Variants in PARD3B observed in about 807,000 individuals in gnomAD.
PARD3B encodes par-3 family cell polarity regulator beta.
A neutral mutation model predicts 130.2 loss-of-function variants in PARD3B; 103 were observed. That is an observed-to-expected ratio of 0.79 (90% CI 0.67 to 0.93). The LOEUF is 0.93. Ranked by LOEUF, PARD3B falls within the 40% of genes least tolerant of loss-of-function variation. The probability of loss-of-function intolerance (pLI) is 0.00; values close to 1 mark genes in which losing one functional copy is unlikely to be tolerated. For missense variants in PARD3B, 1,609 were observed against 1,499.2 expected (o/e 1.07, Z -1.21); for synonymous variants, 583 against 553.2 (o/e 1.05, Z -0.76).
intron 22 of PARD3B, among the ~76,000 whole-genome samples, chr2:205,553,804 G>A (rs926845396): frequency 6.6e-6 from 1 of 152,178 alleles, no homozygotes; most frequent in African/African-American, 2.4e-5. Flanking sequence ...GTGTTAAGAA[G>A]CAGGAAAGAA....
At chr2:205,259,843 G>A (rs1323631552) in intron 16 of PARD3B, among the ~76,000 whole-genome samples, 1 of 152,010 alleles carries the variant, frequency 6.6e-6, no homozygotes, top group Non-Finnish European at 1.5e-5. Context: ...AATTTTTCTG[G>A]ATTTTGGAAT....
intron 2 of PARD3B, among the ~76,000 whole-genome samples, chr2:204,730,118 A>G (rs1574835608): frequency 6.6e-6 from 1 of 151,902 alleles, no homozygotes; most frequent in East Asian, 1.9e-4. Context: ...CTTGTCACCC[A>G]GGCTGGAGTG....
At chr2:205,209,601 AT>A (rs1475209643) in intron 15 of PARD3B, among the ~76,000 whole-genome samples, 8 of 151,222 alleles carry the variant, frequency 5.3e-5, no homozygotes, top group African/African-American at 1.9e-4. Flanking sequence ...AAAATATACA[AT>A]TAAATAATTA....
chr2:204,828,544 C>G (rs2043680723), intron 2 of PARD3B, among the ~76,000 whole-genome samples: 1 of 152,222 alleles, frequency 6.6e-6, no homozygotes, highest in Non-Finnish European at 1.5e-5. Context: ...ACTTACGTCT[C>G]TGCTGATTAG....
At chr2:205,583,184 T>A (rs2054058474) in intron 22 of PARD3B, among the ~76,000 whole-genome samples, 1 of 152,238 alleles carries the variant, frequency 6.6e-6, no homozygotes, top group South Asian at 2.1e-4. Flanking sequence ...AGTCTTCATT[T>A]AACAAGTACG....
intron 3 of PARD3B, among the ~76,000 whole-genome samples, chr2:205,039,202 G>A (rs971909298): frequency 6.6e-6 from 1 of 152,060 alleles, no homozygotes; most frequent in Non-Finnish European, 1.5e-5. Flanking sequence ...AACAAATGAT[G>A]TACCACTTTC....
intron 21 of PARD3B, among the ~76,000 whole-genome samples, chr2:205,531,612 T>C (rs993729144): frequency 6.6e-6 from 1 of 152,088 alleles, no homozygotes; most frequent in African/African-American, 2.4e-5. Context: ...GTCTTGCATG[T>C]TATTGTCATT....
intron 11 of PARD3B, among the ~76,000 whole-genome samples, chr2:205,169,329 C>G (rs2035014464): frequency 6.6e-6 from 1 of 152,148 alleles, no homozygotes; most frequent in East Asian, 1.9e-4. Context: ...CCTGAACTGT[C>G]TTTTTGTTTG....
In PARD3B at chr2:205,341,806, A is replaced by G. The variant is rs958748418; in HGVS notation, c.2630+40105A>G. ...TACCCTGATTTTGTCATTATACATT[A>G]TATGTGCATATTAAAATATCACTCT... On this transcript the variant is annotated intron_variant, in intron 18 of 22. Coordinates refer to ENST00000406610, the MANE Select transcript of PARD3B (RefSeq NM_001302769.2). This position sits in a 1 kb window ranked among gnomAD's most constrained non-coding sequence, Gnocchi z 4.3. Among the ~76,000 whole-genome samples the G allele has an allele frequency of 6.6e-6, 1 of 152,150 alleles. No homozygotes were observed. Among genetic ancestry groups the G allele is most frequent in the Non-Finnish European group, 1.5e-5 (1 of 67,994 alleles).
At chr2:204,791,081 G>T (rs139942581) in intron 2 of PARD3B, among the ~76,000 whole-genome samples, 1 of 151,552 alleles carries the variant, frequency 6.6e-6, no homozygotes, top group Non-Finnish European at 1.5e-5. Flanking sequence ...CTCCAGCCAA[G>T]GTAGCAGATC....
chr2:205,302,429 T>A (rs1249191856), intron 18 of PARD3B, among the ~76,000 whole-genome samples: 1 of 152,122 alleles, frequency 6.6e-6, no homozygotes, highest in African/African-American at 2.4e-5. Flanking sequence ...CTCAGGAGGC[T>A]GAGGCCAGAG....
intron 2 of PARD3B, among the ~76,000 whole-genome samples, chr2:204,727,176 G>A (rs1223652670): frequency 6.6e-6 from 1 of 152,150 alleles, no homozygotes; most frequent in East Asian, 1.9e-4. Context: ...GACTTAGCCT[G>A]CTAGGTAACA....
chr2:204,994,590 T>C (rs1159463450), intron 3 of PARD3B, among the ~76,000 whole-genome samples: 2 of 151,156 alleles, frequency 1.3e-5, no homozygotes, highest in Admixed American at 6.6e-5. Context: ...TAGATGTCTA[T>C]TAGGTCCGCT....
At position 204,621,277 on chromosome 2, in the gene PARD3B, C is replaced by T. The variant is rs75898460; in HGVS notation, c.121-64904C>T. ...ACAAAACTTCTAACGCAATGCAGGACATCTGTGGATGTGTATTCTTTTTTT... is the reference window on the plus strand; with the variant it reads ...ACAAAACTTCTAACGCAATGCAGGATATCTGTGGATGTGTATTCTTTTTTT... On this transcript the variant is annotated intron_variant, in intron 1 of 22. Transcript: ENST00000406610. Among the ~76,000 whole-genome samples the T allele has an allele frequency of 7.2e-3, 1,102 of 152,206 alleles. 15 individuals carry two copies. Among genetic ancestry groups the T allele is most frequent in the African/African-American group, 0.025 (1,049 of 41,560 alleles).
rs1559033944 is a variant in PARD3B at position 205,380,602 on chromosome 2, G to GTATATATTATATAT, written c.2631-20411_2631-20410insTATATATTATATAT. ...ATATATATTATATATAATATATAAA[G>GTATATATTATATAT]AATATATATTATATATATTATATAA... On this transcript the variant is annotated intron_variant, in intron 18 of 22. Transcript: ENST00000406610. Among the ~76,000 whole-genome samples, 32 of 22,908 alleles carry GTATATATTATATAT rather than the reference G, an allele frequency of 1.4e-3. 3 individuals carry two copies. The highest frequency in any genetic ancestry group is 3.6e-3 in the African/African-American group (26 of 7,124). 15.0% of individuals were successfully genotyped at this position (22,908 alleles called of 152,430 possible). A position where few individuals can be genotyped will look rare whatever the true frequency, so the allele number is the denominator to read the frequency against.
intron 19 of PARD3B, among the ~76,000 whole-genome samples, chr2:205,437,328 A>G (rs1427566046): frequency 6.6e-6 from 1 of 152,166 alleles, no homozygotes; most frequent in African/African-American, 2.4e-5. Context: ...GAGATCCTCA[A>G]TCTGACAGAT....
chr2:205,435,986 G>T (rs554099699), intron 19 of PARD3B, among the ~76,000 whole-genome samples: 1 of 152,248 alleles, frequency 6.6e-6, no homozygotes, highest in South Asian at 2.1e-4. Flanking sequence ...TTTTCTCATA[G>T]TTCAAGAGAC....
chr2:205,581,239 T>TAGATATATAG, intron 22 of PARD3B, among the ~76,000 whole-genome samples: 1 of 68,742 alleles, frequency 1.5e-5, no homozygotes, highest in African/African-American at 4.1e-5. Context: ...GAGATATATA[T>TAGATATATAG]AGATATATAT....
intron 18 of PARD3B, among the ~76,000 whole-genome samples, chr2:205,319,624 T>C (rs1173112704): frequency 6.6e-6 from 1 of 152,164 alleles, no homozygotes; most frequent in Non-Finnish European, 1.5e-5. Context: ...TCATCCTGGT[T>C]AGTGGGACTC....
Sources: allele counts gnomAD v4.1 joint callset (sites outside exome capture counted in the v4.1 genomes callset), GRCh38; gene constraint gnomAD v4.1.1; non-coding constraint Gnocchi (gnomAD v3.1); transcripts MANE v1.5; gene names NCBI Gene and HGNC (gene_info 2026-07-23, HGNC 2026-07-21).